Variants in NSUN7 observed in about 807,000 individuals in gnomAD.
The protein encoded by NSUN7 is protein NSUN7.
A neutral mutation model predicts 58.5 loss-of-function variants in NSUN7; 39 were observed. That is an observed-to-expected ratio of 0.67 (90% CI 0.52 to 0.87). The LOEUF (loss-of-function observed/expected upper bound fraction) is 0.87, where lower values mean the gene tolerates loss of function less well. NSUN7 is among the 40% of genes least tolerant of loss of function. The pLI, the probability that NSUN7 is intolerant of heterozygous loss-of-function variation, is 0.00. For missense variants in NSUN7, 765 were observed against 844.1 expected, an observed-to-expected ratio of 0.91 and a Z score of 1.16; for synonymous variants, 278 against 303.7, an observed-to-expected ratio of 0.92 and a Z score of 0.88.
chr4:40,752,137 C>G (rs1545077), intron 2 of NSUN7, among the ~76,000 whole-genome samples: 1 of 152,204 alleles, frequency 6.6e-6, no homozygotes, highest in African/African-American at 2.4e-5. Context: ...AAAGAAGTTC[C>G]AGAAATGTTT....
At position 40,810,154 on chromosome 4, in the gene NSUN7, C is replaced by T. The variant is rs1258384984; in HGVS notation, c.*1215C>T. On this transcript the variant is annotated 3_prime_UTR_variant, in exon 12 of 12. Coordinates refer to ENST00000381782, the MANE Select transcript of NSUN7 (RefSeq NM_024677.6). ...TCTTCTTCAAGATGAATACTTAGGT[C>T]TACTTCAGCTCTGATATTCTATTTT... 4 of 152,274 alleles carry T rather than the reference C, an allele frequency of 2.6e-5. No individual in the cohort carries two copies. The highest frequency in any genetic ancestry group is 2.1e-4 in the South Asian group (1 of 4,822). 9.4% of individuals were successfully genotyped at this position (152,274 alleles called of 1,614,324 possible).
chr4:40,784,876 A>C (rs961934329), intron 7 of NSUN7, among the ~76,000 whole-genome samples: 1 of 152,234 alleles, frequency 6.6e-6, no homozygotes, highest in Non-Finnish European at 1.5e-5. Flanking sequence ...ATAAGTAAGG[A>C]TATAGAAGAT....
At chr4:40,756,993 G>A (rs1219504932) in intron 2 of NSUN7, among the ~76,000 whole-genome samples, 3 of 152,214 alleles carry the variant, frequency 2.0e-5, no homozygotes, top group African/African-American at 7.2e-5. Flanking sequence ...CACTTTGGGA[G>A]GCCAAGGTGG....
At chr4:40,780,802 TA>T (rs1560555626) in intron 7 of NSUN7, among the ~76,000 whole-genome samples, 45 of 102,846 alleles carry the variant, frequency 4.4e-4, no homozygotes, top group Non-Finnish European at 6.8e-4. Flanking sequence ...CATATATATA[TA>T]TATATATATA....
chr4:40,780,804 TATATA>T (rs1742513457), intron 7 of NSUN7, among the ~76,000 whole-genome samples: 8 of 98,100 alleles, frequency 8.2e-5, no homozygotes, highest in Non-Finnish European at 1.2e-4. Context: ...TATATATATA[TATATA>T]TATATTTTTT....
rs556572327 is a variant in NSUN7 at position 40,778,159 on chromosome 4, G to A, written c.1036+1900G>A. On this transcript the variant is annotated intron_variant, in intron 7 of 11. Transcript: ENST00000381782. ...TTAAGCATGGGGAGACAAAGGATATGAAAGAGGTCATAAGACACACATGAG... is the reference window on the plus strand; with the variant it reads ...TTAAGCATGGGGAGACAAAGGATATAAAAGAGGTCATAAGACACACATGAG... Among the ~76,000 whole-genome samples, 4 of 152,308 alleles carry A rather than the reference G, an allele frequency of 2.6e-5. No homozygotes were observed. In the South Asian group the frequency reaches 8.3e-4, roughly 32 times the overall value.
chr4:40,782,989 G>A (rs1254641027), intron 7 of NSUN7, among the ~76,000 whole-genome samples: 2 of 152,168 alleles, frequency 1.3e-5, no homozygotes, highest in Non-Finnish European at 2.9e-5. Context: ...AAAAAGCTTA[G>A]CTGAGCTTTT....
At chr4:40,756,085 C>CAGGAAAA (rs1741131488) in intron 2 of NSUN7, among the ~76,000 whole-genome samples, 1 of 150,556 alleles carries the variant, frequency 6.6e-6, no homozygotes, top group African/African-American at 2.4e-5. Context: ...TCTAGGACCC[C>CAGGAAAA]AGGAAAAAAA....
chr4:40,759,673 C>T (rs1486889814), intron 2 of NSUN7, among the ~76,000 whole-genome samples: 2 of 152,212 alleles, frequency 1.3e-5, no homozygotes, highest in Non-Finnish European at 2.9e-5. Context: ...CCAACACTGA[C>T]AAGGATATTA....
chr4:40,771,207 A>T (rs781587442), intron 4 of NSUN7, among the ~76,000 whole-genome samples: 2 of 152,180 alleles, frequency 1.3e-5, no homozygotes, highest in Non-Finnish European at 1.5e-5. Flanking sequence ...GCTTCTGCTA[A>T]ATAGAGCCTG....
chr4:40,808,275 C>A, intron 11 of NSUN7, 32 bp from the exon 12 acceptor site: 2 of 1,567,212 alleles, frequency 1.3e-6, no homozygotes, highest in Admixed American at 2.0e-5. Context: ...ATAGCTAACT[C>A]CCACATTTAG....
At chr4:40,766,891 T>C (rs1443839166) in intron 4 of NSUN7, among the ~76,000 whole-genome samples, 1 of 150,632 alleles carries the variant, frequency 6.6e-6, no homozygotes, top group Non-Finnish European at 1.5e-5. Flanking sequence ...TAGTATTCTC[T>C]GATGGTAGTT....
chr4:40,805,840 CTAT>C lies in NSUN7; in HGVS notation c.1401-1204_1401-1202del, dbSNP rs919925003. ...GGCTTGTAGCTGTGTCACATGGACA[CTAT>C]TATTATTATTATTATTGAGATGGAG... On this transcript the variant is annotated intron_variant, in intron 10 of 11. Coordinates refer to ENST00000381782, the MANE Select transcript of NSUN7 (RefSeq NM_024677.6). 6.6e-5 allele frequency among the ~76,000 whole-genome samples: 10 copies of C among 151,392 alleles called. No individual in the cohort carries two copies. The East Asian group carries it at 1.2e-3, about 18-fold the overall frequency.
intron 11 of NSUN7, among the ~76,000 whole-genome samples, 187 bp from the exon 12 acceptor site, chr4:40,808,116 TTTTG>T (rs1324651914): frequency 1.4e-4 from 21 of 152,178 alleles, no homozygotes; most frequent in Non-Finnish European, 2.4e-4. Flanking sequence ...TAAGTTTTTT[TTTTG>T]TTTGTTTTTT....
In NSUN7 at chr4:40,789,267, G is replaced by A. The variant is rs1742972659; in HGVS notation, c.1037-1335G>A. On this transcript the variant is annotated intron_variant, in intron 7 of 11. Transcript: ENST00000381782. ...CAAAATCCAGATTGTGGGAAACTCT[G>A]GCAGGGCAAATAATGAAGTTTCATT... Among the ~76,000 whole-genome samples, 5 of 152,296 alleles carry A rather than the reference G, an allele frequency of 3.3e-5. No individual in the cohort carries two copies. The South Asian group carries it at 1.0e-3, about 32-fold the overall frequency.
At position 40,784,177 on chromosome 4, in the gene NSUN7, A is replaced by G. The variant is rs149665596; in HGVS notation, c.1037-6425A>G. Among the ~76,000 whole-genome samples the G allele has an allele frequency of 3.0e-3, 455 of 152,392 alleles. 2 individuals carry two copies. Among genetic ancestry groups the G allele is most frequent in the Middle Eastern group, 0.01 (3 of 294 alleles). Reference sequence around the variant, plus strand: ...CAATGTGGAAGAATTGCTGATGGGAACATAAAATGGTGCAGCTACTTTGGA... The same window carrying G: ...CAATGTGGAAGAATTGCTGATGGGAGCATAAAATGGTGCAGCTACTTTGGA... On this transcript the variant is annotated intron_variant, in intron 7 of 11. Transcript: ENST00000381782.
intron 4 of NSUN7, among the ~76,000 whole-genome samples, chr4:40,771,213 G>A (rs745619578): frequency 4.6e-5 from 7 of 152,128 alleles, no homozygotes; most frequent in Admixed American, 6.6e-5. Flanking sequence ...GCTAAATAGA[G>A]CCTGTGACTC....
At chr4:40,801,705 C>T (rs1311968174) in intron 10 of NSUN7, among the ~76,000 whole-genome samples, 3 of 151,756 alleles carry the variant, frequency 2.0e-5, no homozygotes, top group Non-Finnish European at 4.4e-5. Flanking sequence ...CAAGACCAGC[C>T]TGGGCAATGT....
chr4:40,808,189 T>C, intron 11 of NSUN7, 118 bp from the exon 12 acceptor site: 2 of 1,169,720 alleles, frequency 1.7e-6, no homozygotes, highest in Non-Finnish European at 2.4e-6. Flanking sequence ...AACTATTTCT[T>C]ATTTCTTTTA....
Sources: allele counts gnomAD v4.1 joint callset (sites outside exome capture counted in the v4.1 genomes callset), GRCh38; gene constraint gnomAD v4.1.1; transcripts MANE v1.5; gene names NCBI Gene and HGNC (gene_info 2026-07-23, HGNC 2026-07-21).